Variants in IQCK observed in about 807,000 individuals in gnomAD.
IQCK encodes the protein IQ motif containing K.
In IQCK, 29 loss-of-function variants were observed where a neutral mutation model predicts 28.1. The observed-to-expected ratio is 1.03, with a 90% CI of 0.77 to 1.41. IQCK has a LOEUF of 1.41. IQCK is among the 40% of genes most tolerant of loss of function. IQCK has a pLI of 0.00. For missense variants in IQCK, 359 were observed against 314.7 expected, an observed-to-expected ratio of 1.14 and a Z score of -1.07; for synonymous variants, 113 against 115.1, an observed-to-expected ratio of 0.98 and a Z score of 0.12.
At chr16:19,767,775 C>T (rs937202425) in intron 6 of IQCK, among the ~76,000 whole-genome samples, 2 of 152,038 alleles carry the variant, frequency 1.3e-5, no homozygotes, top group Non-Finnish European at 2.9e-5. Context: ...GGACCACGCC[C>T]TCCTCTACGG....
chr16:19,854,142 T>TA (rs1358241747), intron 9 of IQCK, among the ~76,000 whole-genome samples: 1 of 152,224 alleles, frequency 6.6e-6, no homozygotes, highest in East Asian at 1.9e-4. Context: ...CCAGGGTAGT[T>TA]ACATCAGAAT....
intron 4 of IQCK, among the ~76,000 whole-genome samples, chr16:19,749,777 A>G (rs1391640437): frequency 6.6e-6 from 1 of 152,012 alleles, no homozygotes; most frequent in Non-Finnish European, 1.5e-5. Context: ...AAAGGAAAAA[A>G]AAAAAAGAAA....
chr16:19,755,032 A>C (rs1742958553), intron 4 of IQCK, among the ~76,000 whole-genome samples: 1 of 152,200 alleles, frequency 6.6e-6, no homozygotes, highest in Non-Finnish European at 1.5e-5. Flanking sequence ...TGGAAAAAAA[A>C]ATGTGAATAC....
intron 4 of IQCK, among the ~76,000 whole-genome samples, chr16:19,746,764 C>G (rs997332998): frequency 1.3e-5 from 2 of 152,158 alleles, no homozygotes; most frequent in African/African-American, 4.8e-5. Context: ...AAGTGAAGGG[C>G]AGTGGCTTTG....
At chr16:19,730,487 T>C in exon 2 of IQCK, 1 of 1,607,118 alleles carries the variant, frequency 6.2e-7, no homozygotes, top group Non-Finnish European at 8.5e-7. Context: ...CAGGAGCCTG[T>C]GATTACGGTG....
At chr16:19,763,961 G>A in intron 5 of IQCK, 61 bp downstream of exon 5, 2 of 1,592,528 alleles carry the variant, frequency 1.3e-6, no homozygotes, top group Non-Finnish European at 8.6e-7. Flanking sequence ...TAATTTGCAA[G>A]CAGAATAGCA....
At chr16:19,808,769 T>G (rs966712695) in intron 7 of IQCK, among the ~76,000 whole-genome samples, 2 of 152,240 alleles carry the variant, frequency 1.3e-5, no homozygotes, top group Non-Finnish European at 2.9e-5. Context: ...CCTGTGCAGT[T>G]GCACAGGGCA....
intron 4 of IQCK, among the ~76,000 whole-genome samples, chr16:19,752,100 G>A (rs2054994765): frequency 6.6e-6 from 1 of 152,000 alleles, no homozygotes; most frequent in East Asian, 1.9e-4. Context: ...TTAAGTCTGA[G>A]ATGTGTAAAT....
intron 6 of IQCK, among the ~76,000 whole-genome samples, chr16:19,782,091 C>T (rs1193923319): frequency 6.6e-6 from 1 of 152,152 alleles, no homozygotes; most frequent in East Asian, 1.9e-4. Flanking sequence ...CTGACTGTGA[C>T]AAGTGGCCGT....
chr16:19,745,127 C>A (rs1163498983), intron 4 of IQCK, among the ~76,000 whole-genome samples: 1 of 152,136 alleles, frequency 6.6e-6, no homozygotes, highest in Non-Finnish European at 1.5e-5. Flanking sequence ...CCTTTGTAAT[C>A]AGGAAAAATA....
At chr16:19,833,962 C>T (rs2056264449) in intron 9 of IQCK, among the ~76,000 whole-genome samples, 1 of 152,040 alleles carries the variant, frequency 6.6e-6, no homozygotes, top group African/African-American at 2.4e-5. Flanking sequence ...CTAGCACACT[C>T]CTGTAGTCCC....
chr16:19,783,303 T>C (rs2055516838), intron 6 of IQCK, among the ~76,000 whole-genome samples: 1 of 151,904 alleles, frequency 6.6e-6, no homozygotes, highest in Non-Finnish European at 1.5e-5. Flanking sequence ...CTGGCCAGCA[T>C]TGATTCTTAG....
chr16:19,822,092 AAAAC>A (rs1467495292), intron 7 of IQCK, among the ~76,000 whole-genome samples: 1 of 150,614 alleles, frequency 6.6e-6, no homozygotes, highest in Non-Finnish European at 1.5e-5. Context: ...AACAAAAAAA[AAAAC>A]AAAAAAAAAC....
intron 6 of IQCK, among the ~76,000 whole-genome samples, chr16:19,774,681 T>A (rs1221385030): frequency 1.3e-5 from 2 of 152,172 alleles, no homozygotes; most frequent in Non-Finnish European, 2.9e-5. Context: ...AATTATTGAA[T>A]GCTTAAATAT....
At position 19,839,632 on chromosome 16, in the gene IQCK, A is replaced by C. The variant is rs2056342218; in HGVS notation, c.802+12495A>C. Reference sequence around the variant, plus strand: ...ACAGTCAAGGAATACTTGTTGGTTGAATGAATGGATCTGTGTTACATAACC... The same window carrying C: ...ACAGTCAAGGAATACTTGTTGGTTGCATGAATGGATCTGTGTTACATAACC... On this transcript the variant is annotated intron_variant, in intron 9 of 9. Transcript: ENST00000320394. Among the ~76,000 whole-genome samples, 3 of 152,174 alleles carry C rather than the reference A, an allele frequency of 2.0e-5. No homozygotes were observed. The South Asian group carries it at 6.2e-4, about 32-fold the overall frequency.
intron 7 of IQCK, among the ~76,000 whole-genome samples, chr16:19,821,791 G>A (rs563369580): frequency 6.6e-6 from 1 of 152,126 alleles, no homozygotes; most frequent in Non-Finnish European, 1.5e-5. Context: ...GTTCCATTAA[G>A]TGCTGGGCTC....
At chr16:19,726,477 C>T (rs1977659680) in intron 1 of IQCK, among the ~76,000 whole-genome samples, 1 of 151,760 alleles carries the variant, frequency 6.6e-6, no homozygotes, top group Non-Finnish European at 1.5e-5. Context: ...AAGGATCCTA[C>T]CAAAATACCT....
At chr16:19,765,638 G>A (rs969028392) in intron 6 of IQCK, among the ~76,000 whole-genome samples, 1 of 152,048 alleles carries the variant, frequency 6.6e-6, no homozygotes, top group African/African-American at 2.4e-5. Flanking sequence ...GCTGACTCTG[G>A]CAATTTTGAG....
At chr16:19,811,685 T>G (rs2055907279) in intron 7 of IQCK, among the ~76,000 whole-genome samples, 1 of 152,224 alleles carries the variant, frequency 6.6e-6, no homozygotes, top group South Asian at 2.1e-4. Context: ...ACTCAGATTT[T>G]GTGGATTTGA....
Sources: allele counts gnomAD v4.1 joint callset (sites outside exome capture counted in the v4.1 genomes callset), GRCh38; gene constraint gnomAD v4.1.1; transcripts MANE v1.5; gene names NCBI Gene and HGNC (gene_info 2026-07-23, HGNC 2026-07-21).